SPTA1: variants seen among roughly 807,000 people sequenced by gnomAD.
SPTA1 encodes spectrin alpha chain, erythrocytic 1.
In SPTA1, 177 loss-of-function variants were observed where a neutral mutation model predicts 324.7. The ratio of observed to expected loss-of-function variants is 0.55; its 90% CI spans 0.48 to 0.62. SPTA1 has a LOEUF of 0.62. Among genes scored for constraint, SPTA1 ranks in the 20% least tolerant of loss-of-function variants. The pLI is 0.00. For missense variants in SPTA1, 3,162 were observed against 2,883.6 expected (o/e 1.10, Z -2.21); for synonymous variants, 1,195 against 1,041.3 (o/e 1.15, Z -2.84).
At chr1:158,676,104 G>A (rs536189478) in intron 8 of SPTA1, 37 bp downstream of exon 8, 1 of 1,612,404 alleles carries the variant, frequency 6.2e-7, no homozygotes. Context: ...GGGCCCTGTA[G>A]AGATAGGTAG....
intron 27 of SPTA1, 50 bp downstream of exon 27, chr1:158,647,489 C>T (rs1652082116): frequency 2.5e-6 from 4 of 1,603,738 alleles, no homozygotes; most frequent in South Asian, 2.2e-5. Context: ...AGACTGCTCC[C>T]AGACAGTCTA....
Position 158,645,191 on chromosome 1 carries a change from C to T in SPTA1, c.4191G>A (p.Leu1397=). 3.1e-6 allele frequency: 5 copies of T among 1,613,802 alleles called. No individual in the cohort carries two copies. The highest frequency in any genetic ancestry group is 4.2e-6 in the Non-Finnish European group (5 of 1,179,764). ...ACAATTGGGAAATTTGCTGTACCTG[C>T]AACTCCAGGCACTGGTCTAGGATCT... is the stretch of plus-strand genomic sequence containing the variant. The part of the protein sequence containing the change: ...RKKILDQCLE[L]QMFQGNCDQV... The change falls in exon 29 of 52, where the codon TTG becomes TTA. Residue 1397 remains leucine (L), a synonymous_variant. Transcript: ENST00000643759.
At chr1:158,616,341 T>C (rs1025583023) in intron 47 of SPTA1, among the ~76,000 whole-genome samples, 1 of 152,166 alleles carries the variant, frequency 6.6e-6, no homozygotes, top group Admixed American at 6.5e-5. Context: ...CAATTACTAG[T>C]CTTATTTCTT....
chr1:158,677,700 A>G lies in SPTA1; in HGVS notation c.947T>C (p.Met316Thr). Reference protein sequence around the residue: ...HKGLERNLAVMSDKVKELCAK... With the variant: ...HKGLERNLAVTSDKVKELCAK... ...CTAACAGCGCATTACCTTGTCACTC[A>G]TGACAGCAAGATTTCTCTCAAGTCC... Residue 316 changes from methionine to threonine, a missense_variant, in exon 7 of 52, where the codon ATG becomes ACG. Met to Thr is a moderately conservative substitution (Grantham distance 81). Transcript: ENST00000643759. 1 of 1,613,440 alleles carries G rather than the reference A, an allele frequency of 6.2e-7. No homozygotes were observed. The highest frequency in any genetic ancestry group is 8.5e-7 in the Non-Finnish European group (1 of 1,179,644).
chr1:158,633,913 A>G (rs762812348), intron 39 of SPTA1, among the ~76,000 whole-genome samples: 4 of 152,168 alleles, frequency 2.6e-5, no homozygotes, highest in Non-Finnish European at 4.4e-5. Context: ...TTCTACAAAG[A>G]GTTCTTGGTA....
At chr1:158,626,623 A>G (rs1403497289) in intron 41 of SPTA1, among the ~76,000 whole-genome samples, 2 of 152,024 alleles carry the variant, frequency 1.3e-5, no homozygotes, top group Non-Finnish European at 2.9e-5. Flanking sequence ...TTACTGCATC[A>G]TCATTTCTAT....
Position 158,669,545 on chromosome 1 carries a change from C to T in SPTA1, c.1696G>A (p.Ala566Thr). The T allele has an allele frequency of 6.2e-7, 1 of 1,614,110 alleles. No homozygotes were observed. Among genetic ancestry groups the T allele is most frequent in the Non-Finnish European group, 8.5e-7 (1 of 1,180,006 alleles). ...CTAGTGGCAGCCTTTTCACGTAGGG[C>T]ATCCCGCCGGGCTAACAGCTGCAAA... ...IRDGLLARRD[A>T]LREKAATRRR... The change falls in exon 14 of 52, where the codon GCC becomes ACC. Residue 566 changes from alanine to threonine, a missense_variant. Coordinates refer to ENST00000643759, the MANE Select transcript of SPTA1 (RefSeq NM_003126.4).
intron 39 of SPTA1, among the ~76,000 whole-genome samples, chr1:158,630,628 A>G (rs916220799): frequency 6.6e-6 from 1 of 152,054 alleles, no homozygotes; most frequent in East Asian, 1.9e-4. Context: ...CAAAAAGAAA[A>G]AATAAACAAA....
intron 16 of SPTA1, among the ~76,000 whole-genome samples, chr1:158,664,699 G>A (rs113818353): frequency 0.026 from 3,926 of 152,186 alleles, 165 homozygotes; most frequent in African/African-American, 0.089. Flanking sequence ...AACTTATAAG[G>A]AAATAAAACT....
chr1:158,636,237 A>T (rs1651059982), intron 37 of SPTA1, among the ~76,000 whole-genome samples: 1 of 152,118 alleles, frequency 6.6e-6, no homozygotes. Context: ...AGTATTTGCA[A>T]ATATATCAGT....
In SPTA1 at chr1:158,650,230, A is replaced by G. The variant is rs183007701; in HGVS notation, c.3478-283T>C. Among the ~76,000 whole-genome samples the G allele has an allele frequency of 2.4e-4, 36 of 152,338 alleles. No homozygotes were observed. The Middle Eastern group carries it at 0.01, about 43-fold the overall frequency. ...TACAAAGACTGCACTGTAAACTCCA[A>G]AAAATGAATGGGAAGTGTTGCCTTG... On this transcript the variant is annotated intron_variant, in intron 24 of 51. Transcript: ENST00000643759.
chr1:158,643,445 A>G lies in SPTA1; in HGVS notation c.4339-20T>C. 1 of 1,610,448 alleles carries G rather than the reference A, an allele frequency of 6.2e-7. No individual in the cohort carries two copies. Among genetic ancestry groups the G allele is most frequent in the Non-Finnish European group, 8.5e-7 (1 of 1,177,816 alleles). The stretch of plus-strand genomic sequence containing the variant: ...CCCTTCCTAAATAAAGGAAAAGGAA[A>G]GAGCCCAGATGCTTGGAGATTAGGC... On this transcript the variant is annotated intron_variant, in intron 30 of 51. Transcript: ENST00000643759.
At chr1:158,611,483 G>C (rs943402322) in intron 51 of SPTA1, 94 bp from the exon 52 acceptor site, 4 of 1,480,486 alleles carry the variant, frequency 2.7e-6, no homozygotes, top group Non-Finnish European at 3.7e-6. Flanking sequence ...TGCAGGAGAT[G>C]GAGAGTCTCT....
At chr1:158,659,141 A>T (rs1303292261) in intron 18 of SPTA1, among the ~76,000 whole-genome samples, 2 of 152,130 alleles carry the variant, frequency 1.3e-5, no homozygotes, top group African/African-American at 2.4e-5. Context: ...CTACCAAAGC[A>T]AAGATAATGA....
At position 158,675,239 on chromosome 1, in the gene SPTA1, G is replaced by C; in HGVS notation, c.1113-564C>G. ...TAACCATAAGAATTAATACTGAAATGATGCCTGATTATTAGGGGTTTTTGT... is the reference window on the plus strand; with the variant it reads ...TAACCATAAGAATTAATACTGAAATCATGCCTGATTATTAGGGGTTTTTGT... On this transcript the variant is annotated intron_variant, in intron 8 of 51. Transcript: ENST00000643759. Among the ~76,000 whole-genome samples, 2 of 152,172 alleles carry C rather than the reference G, an allele frequency of 1.3e-5. 1 individual carries two copies. The highest frequency in any genetic ancestry group is 2.9e-5 in the Non-Finnish European group (2 of 68,032).
intron 34 of SPTA1, 70 bp downstream of exon 34, chr1:158,639,800 T>C: frequency 1.2e-6 from 2 of 1,612,904 alleles, no homozygotes; most frequent in South Asian, 1.1e-5. Flanking sequence ...AAATTGCCCA[T>C]GGGTAAATTC....
In SPTA1 at chr1:158,676,233, C is replaced by G. The variant is rs769537638; in HGVS notation, c.1020G>C (p.Gln340His). ...CCAGATCTTCTTTCATCTCCTGGAT[C>G]TGAGGTGCATCTGAAGGATGGGAAA... ...LTLSHPSDAP[Q>H]IQEMKEDLVS... is the part of the protein sequence containing the mutation. The change falls in exon 8 of 52, where the codon CAG becomes CAC. Residue 340 changes from glutamine to histidine, a missense_variant. Coordinates refer to ENST00000643759, the MANE Select transcript of SPTA1 (RefSeq NM_003126.4). The G allele has an allele frequency of 6.2e-7, 1 of 1,613,724 alleles. No homozygotes were observed. Among genetic ancestry groups the G allele is most frequent in the South Asian group, 1.1e-5 (1 of 91,064 alleles).
At chr1:158,617,839 A>C (rs1314884392) in intron 46 of SPTA1, among the ~76,000 whole-genome samples, 200 bp downstream of exon 46, 1 of 152,144 alleles carries the variant, frequency 6.6e-6, no homozygotes. Flanking sequence ...ATACACACTT[A>C]AGCAATGTAG....
Position 158,626,893 on chromosome 1 carries a change from C to T in SPTA1, c.5779G>A (p.Asp1927Asn), listed in dbSNP as rs200317311. ...IAAWKLQLED[D>N]YAFQEFNWKA... The stretch of plus-strand genomic sequence containing the variant: ...CAGTTGAATTCCTGAAAGGCATAAT[C>T]GTCTTCCAATTGCAACTTCCAAGCA... Residue 1927 changes from aspartate to asparagine, a missense_variant, in exon 41 of 52, where the codon GAT becomes AAT. By Grantham distance (23) the Asp-to-Asn change is conservative. Coordinates refer to ENST00000643759, the MANE Select transcript of SPTA1 (RefSeq NM_003126.4). 79 of 1,613,856 alleles carry T rather than the reference C, an allele frequency of 4.9e-5. No homozygotes were observed. The Middle Eastern group carries it at 5.0e-4, about 10-fold the overall frequency.
Sources: allele counts gnomAD v4.1 joint callset (sites outside exome capture counted in the v4.1 genomes callset), GRCh38; gene constraint gnomAD v4.1.1; transcripts MANE v1.5; gene names NCBI Gene and HGNC (gene_info 2026-07-23, HGNC 2026-07-21).